Variants in SLC24A4 observed in about 807,000 individuals in gnomAD.
SLC24A4 encodes the protein sodium/potassium/calcium exchanger 4.
Under a neutral mutation model 79.0 loss-of-function variants are expected in SLC24A4, and 53 were observed. That is an observed-to-expected ratio of 0.67 (90% CI 0.54 to 0.84). The LOEUF is 0.84. SLC24A4 is among the 40% of genes least tolerant of loss of function. The pLI, the probability that SLC24A4 is intolerant of heterozygous loss-of-function variation, is 0.00. For synonymous variants in SLC24A4, 323 were observed against 323.8 expected (o/e 1.00, Z 0.03); for missense variants, 731 against 822.0 (o/e 0.89, Z 1.35).
chr14:92,331,947 A>G (rs1197514269), intron 2 of SLC24A4, among the ~76,000 whole-genome samples: 1 of 152,242 alleles, frequency 6.6e-6, no homozygotes, highest in Non-Finnish European at 1.5e-5. Flanking sequence ...ATGTAAGAAT[A>G]CAGTGATACA....
intron 9 of SLC24A4, among the ~76,000 whole-genome samples, chr14:92,448,144 A>G (rs1024626255): frequency 2.6e-5 from 4 of 152,214 alleles, no homozygotes; most frequent in African/African-American, 9.7e-5. Context: ...ACCAGAGGTC[A>G]GTGCAGGCGG....
chr14:92,401,282 G>A (rs896207516), intron 2 of SLC24A4, among the ~76,000 whole-genome samples: 6 of 152,264 alleles, frequency 3.9e-5, no homozygotes, highest in South Asian at 2.1e-4. Flanking sequence ...TGGAAAAACC[G>A]TGCAGGTTGT....
At chr14:92,357,173 G>A (rs1887228837) in intron 2 of SLC24A4, among the ~76,000 whole-genome samples, 2 of 152,200 alleles carry the variant, frequency 1.3e-5, no homozygotes, top group African/African-American at 2.4e-5. Flanking sequence ...CTTCCTTGGA[G>A]GATTAGGATT....
chr14:92,370,682 AG>A (rs1424649325), intron 2 of SLC24A4, among the ~76,000 whole-genome samples: 1 of 152,194 alleles, frequency 6.6e-6, no homozygotes, highest in Non-Finnish European at 1.5e-5. Flanking sequence ...GAAAAACTAG[AG>A]GGGGCAGTCA....
intron 2 of SLC24A4, among the ~76,000 whole-genome samples, chr14:92,348,526 AGTT>A (rs1886673882): frequency 6.6e-6 from 1 of 152,220 alleles, no homozygotes; most frequent in Non-Finnish European, 1.5e-5. Context: ...TAGGTCACAA[AGTT>A]GGTTGGTGGT....
At chr14:92,470,634 G>T (rs4904924) in intron 12 of SLC24A4, among the ~76,000 whole-genome samples, 7 of 151,650 alleles carry the variant, frequency 4.6e-5, no homozygotes, top group African/African-American at 1.7e-4. Context: ...TGATGTTTGC[G>T]TGTCAATCGG....
At position 92,332,795 on chromosome 14, in the gene SLC24A4, A is replaced by G. The variant is rs1447497218; in HGVS notation, c.241+6817A>G. On this transcript the variant is annotated intron_variant, in intron 2 of 16. Transcript: ENST00000532405. Reference sequence around the variant, plus strand: ...TTTTAATATGCTCAACCCAAAGATGATATAATGCCTGTGTGTGGTAAGTAC... The same window carrying G: ...TTTTAATATGCTCAACCCAAAGATGGTATAATGCCTGTGTGTGGTAAGTAC... 2.6e-5 allele frequency among the ~76,000 whole-genome samples: 4 copies of G among 152,230 alleles called. No individual in the cohort carries two copies. In the East Asian group the frequency reaches 7.7e-4, roughly 29 times the overall value.
At chr14:92,419,917 G>T (rs997665284) in intron 2 of SLC24A4, among the ~76,000 whole-genome samples, 3 of 152,304 alleles carry the variant, frequency 2.0e-5, no homozygotes, top group Middle Eastern at 3.4e-3. Context: ...TCGAGAAGAG[G>T]TTATGCTGGA....
intron 12 of SLC24A4, among the ~76,000 whole-genome samples, chr14:92,459,659 C>T (rs747719661): frequency 6.6e-6 from 1 of 152,176 alleles, no homozygotes; most frequent in South Asian, 2.1e-4. Flanking sequence ...GGTGTTGTCC[C>T]TGGAAACCAC....
At chr14:92,376,590 C>T (rs1317092646) in intron 2 of SLC24A4, among the ~76,000 whole-genome samples, 1 of 152,238 alleles carries the variant, frequency 6.6e-6, no homozygotes, top group Non-Finnish European at 1.5e-5. Context: ...CTGGCCCATA[C>T]CTGTCCAGCC....
chr14:92,415,664 G>T (rs942395989), intron 2 of SLC24A4, among the ~76,000 whole-genome samples: 3 of 151,992 alleles, frequency 2.0e-5, no homozygotes, highest in Non-Finnish European at 2.9e-5. Flanking sequence ...CACCATATTG[G>T]CCAGGCTGGT....
chr14:92,338,585 A>G (rs561999264), intron 2 of SLC24A4, among the ~76,000 whole-genome samples: 4 of 152,358 alleles, frequency 2.6e-5, no homozygotes, highest in African/African-American at 9.6e-5. Flanking sequence ...CTGTTGGTTT[A>G]TCTCATTTCA....
At chr14:92,472,726 C>T (rs1374937704) in intron 12 of SLC24A4, among the ~76,000 whole-genome samples, 3 of 152,140 alleles carry the variant, frequency 2.0e-5, no homozygotes, top group East Asian at 1.9e-4. Flanking sequence ...TTTGCAATTG[C>T]GAATTGTACT....
At chr14:92,489,801 C>T (rs1895579087) in intron 14 of SLC24A4, among the ~76,000 whole-genome samples, 1 of 152,166 alleles carries the variant, frequency 6.6e-6, no homozygotes, top group Non-Finnish European at 1.5e-5. Flanking sequence ...ACCTGAGACC[C>T]GCTCATCCCC....
chr14:92,450,483 G>C (rs12433267), intron 10 of SLC24A4: 77,875 of 152,380 alleles, frequency 0.51, 20,319 homozygotes, highest in African/African-American at 0.61. Flanking sequence ...CAGAGCTGAG[G>C]AGCTGATGGG....
intron 2 of SLC24A4, among the ~76,000 whole-genome samples, chr14:92,368,046 G>A (rs1387381928): frequency 6.6e-6 from 1 of 152,212 alleles, no homozygotes; most frequent in African/African-American, 2.4e-5. Flanking sequence ...TGACAAAGCT[G>A]GTTCTAGGAA....
intron 2 of SLC24A4, among the ~76,000 whole-genome samples, chr14:92,332,112 T>C (rs947526703): frequency 2.6e-5 from 4 of 151,862 alleles, no homozygotes; most frequent in African/African-American, 9.7e-5. Context: ...AACCCCCCTC[T>C]CTACTAAAAA....
At chr14:92,350,431 C>A (rs1334176269) in intron 2 of SLC24A4, among the ~76,000 whole-genome samples, 1 of 152,124 alleles carries the variant, frequency 6.6e-6, no homozygotes, top group Non-Finnish European at 1.5e-5. Context: ...TTCAGTTAAA[C>A]TTATAGTCAA....
intron 12 of SLC24A4, among the ~76,000 whole-genome samples, chr14:92,481,766 G>A (rs977040007): frequency 1.2e-4 from 18 of 152,262 alleles, no homozygotes; most frequent in African/African-American, 3.6e-4. Context: ...CTCTGAAAAC[G>A]TTGATTCTGA....
Sources: allele counts gnomAD v4.1 joint callset (sites outside exome capture counted in the v4.1 genomes callset), GRCh38; gene constraint gnomAD v4.1.1; transcripts MANE v1.5; gene names NCBI Gene and HGNC (gene_info 2026-07-23, HGNC 2026-07-21).